MYO3B: variants seen among roughly 807,000 people sequenced by gnomAD.
MYO3B encodes the protein myosin IIIB.
In MYO3B, 156 loss-of-function variants were observed where a neutral mutation model predicts 174.6. The observed-to-expected ratio is 0.89, with a 90% CI of 0.78 to 1.02. The LOEUF (loss-of-function observed/expected upper bound fraction) is 1.02, where lower values mean the gene tolerates loss of function less well. MYO3B is among the 50% of genes least tolerant of loss of function. MYO3B has a pLI of 0.00. For synonymous variants in MYO3B, 563 were observed against 569.1 expected, an observed-to-expected ratio of 0.99 and a Z score of 0.15; for missense variants, 1,632 against 1,639.4, an observed-to-expected ratio of 1.00 and a Z score of 0.08.
intron 3 of MYO3B, 43 bp from the exon 4 acceptor site, chr2:170,214,336 T>C (rs1574591009): frequency 2.0e-6 from 3 of 1,485,504 alleles, no homozygotes; most frequent in African/African-American, 1.4e-5. Context: ...CTTTTTCACA[T>C]GTGGTCTCCT....
At chr2:170,649,094 ATG>A (rs1491207742) in intron 32 of MYO3B, among the ~76,000 whole-genome samples, 1,499 of 66,876 alleles carry the variant, frequency 0.022, 222 homozygotes, top group African/African-American at 0.12. Context: ...ATAATATATA[ATG>A]TATATTATAT....
chr2:170,227,996 G>C (rs963113140), intron 6 of MYO3B, among the ~76,000 whole-genome samples: 1 of 152,084 alleles, frequency 6.6e-6, no homozygotes, highest in Non-Finnish European at 1.5e-5. Flanking sequence ...AACATACTCT[G>C]GTGGAAATGG....
intron 9 of MYO3B, among the ~76,000 whole-genome samples, chr2:170,370,871 G>A (rs1277785895): frequency 6.6e-6 from 1 of 151,276 alleles, no homozygotes; most frequent in East Asian, 1.9e-4. Flanking sequence ...GACTTTGCCT[G>A]TCCAGATCTA....
At chr2:170,417,708 A>C (rs1386054670) in intron 22 of MYO3B, among the ~76,000 whole-genome samples, 7 of 152,178 alleles carry the variant, frequency 4.6e-5, no homozygotes, top group South Asian at 2.1e-4. Context: ...GTCTGCCTTC[A>C]CCTTCACAAG....
At chr2:170,254,432 C>CG (rs887993216) in intron 7 of MYO3B, among the ~76,000 whole-genome samples, 24 of 152,130 alleles carry the variant, frequency 1.6e-4, no homozygotes, top group East Asian at 5.8e-4. Context: ...CTGCGGGACT[C>CG]GGGGGGGCGC....
chr2:170,615,924 T>C (rs540648296), intron 32 of MYO3B, among the ~76,000 whole-genome samples: 1 of 152,300 alleles, frequency 6.6e-6, no homozygotes, highest in East Asian at 1.9e-4. Context: ...GATGAAGTAA[T>C]TCTTTCACAT....
intron 7 of MYO3B, among the ~76,000 whole-genome samples, chr2:170,280,535 T>C (rs904046147): frequency 6.6e-6 from 1 of 151,608 alleles, no homozygotes; most frequent in African/African-American, 2.4e-5. Context: ...TGAAATTTTG[T>C]CATGAAATTT....
chr2:170,461,485 A>G (rs919601147), intron 23 of MYO3B, among the ~76,000 whole-genome samples: 1 of 150,158 alleles, frequency 6.7e-6, no homozygotes, highest in Admixed American at 6.7e-5. Context: ...AAAAAAAAAA[A>G]AAGGGCTGGG....
At chr2:170,205,809 G>A (rs1424651) in intron 3 of MYO3B, among the ~76,000 whole-genome samples, 59,185 of 151,754 alleles carry the variant, frequency 0.39, 11,441 homozygotes, top group East Asian at 0.46. Flanking sequence ...TAGAATGCCA[G>A]TCTGAACATT....
intron 7 of MYO3B, among the ~76,000 whole-genome samples, chr2:170,242,289 A>G (rs531896267): frequency 1.3e-5 from 2 of 152,156 alleles, no homozygotes; most frequent in African/African-American, 4.8e-5. Flanking sequence ...CAATAGAAAA[A>G]CAGTTATGTT....
intron 30 of MYO3B, among the ~76,000 whole-genome samples, chr2:170,530,722 C>G (rs150133431): frequency 1.3e-5 from 2 of 152,192 alleles, no homozygotes; most frequent in South Asian, 2.1e-4. Context: ...GTGCTTTTTT[C>G]TCCAAGGGAG....
chr2:170,538,766 A>C (rs192834899), intron 30 of MYO3B, among the ~76,000 whole-genome samples: 11 of 152,196 alleles, frequency 7.2e-5, no homozygotes, highest in South Asian at 4.1e-4. Context: ...CCCTGGAGGC[A>C]ATCTGTTTGA....
At chr2:170,599,991 A>G (rs1694408646) in intron 32 of MYO3B, among the ~76,000 whole-genome samples, 1 of 152,124 alleles carries the variant, frequency 6.6e-6, no homozygotes. Context: ...ATAATTGTTG[A>G]TTATTTTCCC....
chr2:170,282,239 CTTAAAT>C (rs2093517036), intron 7 of MYO3B, among the ~76,000 whole-genome samples: 1 of 152,020 alleles, frequency 6.6e-6, no homozygotes, highest in South Asian at 2.1e-4. Flanking sequence ...AGTTTGGGGT[CTTAAAT>C]TTAAGTCTTT....
intron 16 of MYO3B, 42 bp from the exon 17 acceptor site, chr2:170,400,146 C>T: frequency 6.2e-7 from 1 of 1,612,688 alleles, no homozygotes; most frequent in South Asian, 1.1e-5. Flanking sequence ...ATTAGTTTGA[C>T]TGGCAATGAC....
intron 7 of MYO3B, among the ~76,000 whole-genome samples, chr2:170,251,412 A>G (rs1462363682): frequency 6.6e-6 from 1 of 152,096 alleles, no homozygotes; most frequent in East Asian, 1.9e-4. Flanking sequence ...TATAGGTTGA[A>G]TCGTGTTTCT....
chr2:170,233,007 C>T (rs769997954), intron 6 of MYO3B, among the ~76,000 whole-genome samples: 30 of 152,168 alleles, frequency 2.0e-4, no homozygotes, highest in Non-Finnish European at 3.5e-4. Flanking sequence ...TTTAGGACAA[C>T]GCTTGAGAAA....
intron 22 of MYO3B, among the ~76,000 whole-genome samples, chr2:170,417,801 A>C (rs971935088): frequency 1.3e-5 from 2 of 152,228 alleles, no homozygotes; most frequent in Non-Finnish European, 2.9e-5. Context: ...ACCCTACTCC[A>C]GTATGACCTC....
intron 9 of MYO3B, among the ~76,000 whole-genome samples, chr2:170,375,891 C>A (rs1179631381): frequency 6.6e-6 from 1 of 152,180 alleles, no homozygotes; most frequent in East Asian, 1.9e-4. Flanking sequence ...AGAAATAAAT[C>A]TATACCTTGC....
Sources: allele counts gnomAD v4.1 joint callset (sites outside exome capture counted in the v4.1 genomes callset), GRCh38; gene constraint gnomAD v4.1.1; transcripts MANE v1.5; gene names NCBI Gene and HGNC (gene_info 2026-07-23, HGNC 2026-07-21).